DLGAP1: variants seen among roughly 807,000 people sequenced by gnomAD.
DLGAP1 encodes the protein disks large-associated protein 1.
Under a neutral mutation model 90.8 loss-of-function variants are expected in DLGAP1, and 11 were observed. That is an observed-to-expected ratio of 0.12 (90% confidence interval 0.08 to 0.20). The LOEUF is 0.20. Ranked by LOEUF, DLGAP1 falls within the 10% of genes least tolerant of loss-of-function variation. DLGAP1 has a pLI of 1.00. For missense variants in DLGAP1, 1,050 were observed against 1,333.8 expected, an observed-to-expected ratio of 0.79 and a Z score of 3.31; for synonymous variants, 558 against 540.7, an observed-to-expected ratio of 1.03 and a Z score of -0.44.
intron 2 of DLGAP1, among the ~76,000 whole-genome samples, chr18:4,112,854 G>A (rs1257647186): frequency 6.6e-6 from 1 of 152,094 alleles, no homozygotes; most frequent in Admixed American, 6.5e-5. Context: ...TTGAGAACAT[G>A]TAGTATTTCA....
Position 3,563,499 on chromosome 18 carries a change from C to T in DLGAP1, c.2057+3991G>A, listed in dbSNP as rs189478541. Among the ~76,000 whole-genome samples the T allele has an allele frequency of 5.2e-3, 770 of 147,836 alleles. 8 individuals are homozygous for T. Among genetic ancestry groups the T allele is most frequent in the African/African-American group, 0.018 (724 of 39,954 alleles). ...GGTTTTTTTTTTTGAGACGGAATTT[C>T]GCTCTTGTTGCCCAGGCTGGAGTGC... On this transcript the variant is annotated intron_variant, in intron 9 of 12. Transcript: ENST00000315677.
chr18:3,822,056 A>AATTACAATT lies in DLGAP1; in HGVS notation c.958-7792_958-7784dup, dbSNP rs1293331733. On this transcript the variant is annotated intron_variant, in intron 4 of 12. Coordinates refer to ENST00000315677, the MANE Select transcript of DLGAP1 (RefSeq NM_004746.4). The stretch of plus-strand genomic sequence containing the variant: ...AAAAAAAAAAGAGCAAGAATAGGAA[A>AATTACAATT]ATTACAATTATGCAATGTGCAGATC... 274 of 895,466 alleles carry AATTACAATT rather than the reference A, an allele frequency of 3.1e-4. 1 individual carries two copies. The Middle Eastern group carries it at 6.9e-3, about 23-fold the overall frequency. 55.5% of individuals were successfully genotyped at this position (895,466 alleles called of 1,614,324 possible).
chr18:4,354,368 C>G (rs975791727), intron 1 of DLGAP1, among the ~76,000 whole-genome samples: 6 of 152,138 alleles, frequency 3.9e-5, no homozygotes, highest in Non-Finnish European at 1.5e-5. Context: ...GGTCCCTGCC[C>G]AAACCCAGGA....
At chr18:4,235,874 C>A (rs888403262) in intron 1 of DLGAP1, among the ~76,000 whole-genome samples, 1 of 151,742 alleles carries the variant, frequency 6.6e-6, no homozygotes, top group Non-Finnish European at 1.5e-5. Context: ...TGCAGGCATG[C>A]GCCACCATGC....
intron 1 of DLGAP1, among the ~76,000 whole-genome samples, chr18:4,327,082 A>G (rs1327643186): frequency 8.8e-6 from 1 of 113,550 alleles, no homozygotes; most frequent in Non-Finnish European, 1.7e-5. Flanking sequence ...AAAAATGTTA[A>G]TTAAAGAATA....
intron 7 of DLGAP1, among the ~76,000 whole-genome samples, chr18:3,600,987 GAT>G (rs1380385673): frequency 2.2e-5 from 1 of 44,596 alleles, no homozygotes; most frequent in Non-Finnish European, 6.1e-5. Flanking sequence ...TATAGATATA[GAT>G]ATATAGATAT....
At chr18:4,123,308 T>A (rs1452427548) in intron 2 of DLGAP1, among the ~76,000 whole-genome samples, 1 of 152,054 alleles carries the variant, frequency 6.6e-6, no homozygotes, top group Non-Finnish European at 1.5e-5. Context: ...TCAGTTTGAC[T>A]GCTAAGTTAA....
chr18:4,053,279 G>A (rs1163238482), intron 2 of DLGAP1, among the ~76,000 whole-genome samples: 1 of 152,142 alleles, frequency 6.6e-6, no homozygotes, highest in African/African-American at 2.4e-5. Context: ...TGGTAGATGG[G>A]GAAGAAAACA....
At position 3,576,949 on chromosome 18, in the gene DLGAP1, G is replaced by A. The variant is rs555841443; in HGVS notation, c.1965+4926C>T. Among the ~76,000 whole-genome samples the A allele has an allele frequency of 4.6e-5, 7 of 151,138 alleles. No individual in the cohort carries two copies. The South Asian group carries it at 6.3e-4, about 14-fold the overall frequency. On this transcript the variant is annotated intron_variant, in intron 8 of 12. Coordinates refer to ENST00000315677, the MANE Select transcript of DLGAP1 (RefSeq NM_004746.4). The stretch of plus-strand genomic sequence containing the variant: ...ACAATCTCGGCTCACTGCAACCTCC[G>A]TCTCCCAGGTTCAAGTGATTCTTCT...
At position 3,676,694 on chromosome 18, in the gene DLGAP1, T is replaced by C. The variant is rs1419500219; in HGVS notation, c.1591+52441A>G. Among the ~76,000 whole-genome samples the C allele has an allele frequency of 9.7e-5, 3 of 31,088 alleles. No homozygotes were observed. The African/African-American group carries it at 9.9e-4, about 10-fold the overall frequency. The allele number at this position is 31,088 out of a possible 152,430, so 20.4% of individuals were successfully genotyped here. A position where few individuals can be genotyped will look rare whatever the true frequency, so the allele number is the denominator to read the frequency against. ...GCCAATTTGAGGCTACTTCTCCTGT[T>C]TTTTTTTTTTAGAAGAAATTGTGAG... On this transcript the variant is annotated intron_variant, in intron 7 of 12. Coordinates refer to ENST00000315677, the MANE Select transcript of DLGAP1 (RefSeq NM_004746.4).
chr18:4,266,800 G>A (rs182034417), intron 1 of DLGAP1, among the ~76,000 whole-genome samples: 195 of 152,308 alleles, frequency 1.3e-3, no homozygotes, highest in African/African-American at 4.6e-3. Flanking sequence ...CAAACAAGCT[G>A]TCTGTGATTT....
At chr18:3,582,888 C>T (rs967873215) in intron 7 of DLGAP1, among the ~76,000 whole-genome samples, 1 of 129,600 alleles carries the variant, frequency 7.7e-6, no homozygotes. Context: ...TCCTTTCTTC[C>T]TCCCTGCTTT....
Position 4,406,365 on chromosome 18 carries a change from G to A in DLGAP1, c.-267+48641C>T, listed in dbSNP as rs2082665277. On this transcript the variant is annotated intron_variant, in intron 1 of 12. Transcript: ENST00000315677. ...TTTCCTTCTGATTTAGTTCTAGGAA[G>A]TCAGCATGAATCAGCCTTAGGTTCC... Among the ~76,000 whole-genome samples the A allele has an allele frequency of 2.0e-5, 3 of 152,186 alleles. No homozygotes were observed. The South Asian group carries it at 6.2e-4, about 31-fold the overall frequency.
chr18:4,296,645 G>A (rs1289462505), intron 1 of DLGAP1, among the ~76,000 whole-genome samples: 4 of 152,112 alleles, frequency 2.6e-5, no homozygotes, highest in African/African-American at 2.4e-5. Context: ...GCTCTGTAAC[G>A]TCTACATTCT....
intron 2 of DLGAP1, among the ~76,000 whole-genome samples, chr18:4,149,831 C>T (rs1288748405): frequency 1.3e-5 from 2 of 152,174 alleles, no homozygotes; most frequent in Non-Finnish European, 2.9e-5. Context: ...TTGTCTTCCA[C>T]GAAACCGGTC....
At chr18:3,996,499 T>C (rs1179933780) in intron 3 of DLGAP1, among the ~76,000 whole-genome samples, 2 of 152,092 alleles carry the variant, frequency 1.3e-5, no homozygotes, top group Non-Finnish European at 2.9e-5. Context: ...AATAAAAATA[T>C]AGCATTTTAA....
intron 5 of DLGAP1, among the ~76,000 whole-genome samples, chr18:3,805,540 A>C: frequency 6.6e-6 from 1 of 152,204 alleles, no homozygotes; most frequent in East Asian, 1.9e-4. Context: ...GACTGTATTT[A>C]AAAAATGGTC....
chr18:3,809,143 T>A (rs530509107), intron 5 of DLGAP1, among the ~76,000 whole-genome samples: 19 of 152,136 alleles, frequency 1.2e-4, no homozygotes, highest in African/African-American at 4.6e-4. Flanking sequence ...TTGAGACTGG[T>A]TCAGGGGCTC....
intron 1 of DLGAP1, among the ~76,000 whole-genome samples, chr18:4,341,701 A>C (rs2081192555): frequency 6.6e-6 from 1 of 152,130 alleles, no homozygotes; most frequent in East Asian, 1.9e-4. Context: ...AAGAAGTAGG[A>C]ATAATAGTCT....
Sources: allele counts gnomAD v4.1 joint callset (sites outside exome capture counted in the v4.1 genomes callset), GRCh38; gene constraint gnomAD v4.1.1; transcripts MANE v1.5; gene names NCBI Gene and HGNC (gene_info 2026-07-23, HGNC 2026-07-21).